The following SPOCK1 variants were observed in gnomAD, a reference collection of about 807,000 sequenced individuals.
The protein encoded by SPOCK1 is SPARC (osteonectin), cwcv and kazal like domains proteoglycan 1.
In SPOCK1, 23 loss-of-function variants were observed where a neutral mutation model predicts 55.3. The observed-to-expected ratio is 0.42, with a 90% CI of 0.30 to 0.59. The LOEUF (loss-of-function observed/expected upper bound fraction) is 0.59, where lower values mean the gene tolerates loss of function less well. SPOCK1 is among the 20% of genes least tolerant of loss of function. The pLI, the probability that SPOCK1 is intolerant of heterozygous loss-of-function variation, is 0.22. For missense variants in SPOCK1, 499 were observed against 552.5 expected (o/e 0.90, Z 0.97); for synonymous variants, 226 against 221.0 (o/e 1.02, Z -0.20).
chr5:136,977,983 A>G lies in SPOCK1; in HGVS notation c.*671T>C, dbSNP rs1580689544. The G allele has an allele frequency of 1.3e-5, 5 of 398,922 alleles. No individual in the cohort carries two copies. The East Asian group carries it at 1.8e-4, about 14-fold the overall frequency. The allele number at this position is 398,922 out of a possible 1,614,324, so 24.7% of individuals were successfully genotyped here. ...GTGTGTGTGCAAGGCACACACATACAGTCTTTCTGTACATGCATGCATATT... is the reference window on the plus strand; with the variant it reads ...GTGTGTGTGCAAGGCACACACATACGGTCTTTCTGTACATGCATGCATATT... On this transcript the variant is annotated 3_prime_UTR_variant, in exon 11 of 11. Coordinates refer to ENST00000394945, the MANE Select transcript of SPOCK1 (RefSeq NM_004598.4).
intron 2 of SPOCK1, among the ~76,000 whole-genome samples, chr5:137,336,518 A>G (rs966375674): frequency 6.6e-6 from 1 of 152,224 alleles, no homozygotes; most frequent in Non-Finnish European, 1.5e-5. Context: ...GTACCTGGTA[A>G]AGCAGGTAAA....
intron 5 of SPOCK1, among the ~76,000 whole-genome samples, chr5:137,075,810 T>G (rs1333393501): frequency 1.3e-5 from 2 of 152,152 alleles, no homozygotes; most frequent in Non-Finnish European, 2.9e-5. Context: ...GGCCCCTGCT[T>G]TAAGCTCCCA....
chr5:137,043,482 A>G (rs78955141), intron 6 of SPOCK1, among the ~76,000 whole-genome samples: 1 of 152,146 alleles, frequency 6.6e-6, no homozygotes, highest in Non-Finnish European at 1.5e-5. Flanking sequence ...TGGTGTAGAA[A>G]TGGGGTAAAA....
intron 6 of SPOCK1, among the ~76,000 whole-genome samples, chr5:137,066,831 A>G (rs1397963269): frequency 1.3e-5 from 2 of 152,188 alleles, no homozygotes; most frequent in African/African-American, 4.8e-5. Context: ...GATCACATTT[A>G]GATTTGAAAT....
intron 2 of SPOCK1, among the ~76,000 whole-genome samples, chr5:137,445,984 C>T (rs905713881): frequency 3.3e-5 from 5 of 152,152 alleles, no homozygotes; most frequent in African/African-American, 9.7e-5. Flanking sequence ...CCAGCTTTGC[C>T]ATTAAACACT....
chr5:137,302,488 A>G (rs1757617427), intron 2 of SPOCK1, among the ~76,000 whole-genome samples: 1 of 151,446 alleles, frequency 6.6e-6, no homozygotes, highest in Non-Finnish European at 1.5e-5. Flanking sequence ...GAGGCAGGAG[A>G]ATGGCATGAA....
chr5:137,272,127 T>C (rs550326871), intron 2 of SPOCK1, among the ~76,000 whole-genome samples: 2 of 152,108 alleles, frequency 1.3e-5, no homozygotes, highest in East Asian at 3.9e-4. Context: ...AGAACTGAGT[T>C]TGTAGATCCC....
chr5:137,029,682 T>C (rs999661547), intron 6 of SPOCK1, among the ~76,000 whole-genome samples: 1 of 152,204 alleles, frequency 6.6e-6, no homozygotes, highest in South Asian at 2.1e-4. Flanking sequence ...GGAAACCAAA[T>C]TTATTAGCTT....
At chr5:137,167,572 C>T (rs1754673285) in intron 3 of SPOCK1, among the ~76,000 whole-genome samples, 1 of 151,404 alleles carries the variant, frequency 6.6e-6, no homozygotes, top group African/African-American at 2.4e-5. Flanking sequence ...TGTTAGGTCA[C>T]AAAACAAAAC....
intron 2 of SPOCK1, among the ~76,000 whole-genome samples, chr5:137,290,692 T>A (rs1034330548): frequency 6.6e-6 from 1 of 152,200 alleles, no homozygotes; most frequent in Admixed American, 6.5e-5. Context: ...CACTGCTTAG[T>A]TGTAAATAAA....
chr5:137,183,083 C>T (rs1755000751), intron 3 of SPOCK1, among the ~76,000 whole-genome samples: 1 of 152,174 alleles, frequency 6.6e-6, no homozygotes, highest in African/African-American at 2.4e-5. Flanking sequence ...GAACAGGTAA[C>T]TCCACATGCA....
chr5:137,135,547 A>G (rs1753967711), intron 4 of SPOCK1, among the ~76,000 whole-genome samples: 1 of 152,184 alleles, frequency 6.6e-6, no homozygotes, highest in African/African-American at 2.4e-5. Context: ...CCATTTACCA[A>G]TGGGATCCTG....
At chr5:137,109,373 T>C (rs1753424705) in intron 5 of SPOCK1, among the ~76,000 whole-genome samples, 1 of 152,180 alleles carries the variant, frequency 6.6e-6, no homozygotes, top group African/African-American at 2.4e-5. Context: ...CTGCACCCCA[T>C]TGACTCAAAT....
intron 2 of SPOCK1, among the ~76,000 whole-genome samples, chr5:137,343,494 A>G (rs1466213097): frequency 6.6e-6 from 1 of 152,194 alleles, no homozygotes; most frequent in East Asian, 1.9e-4. Context: ...AGGGCTGTAC[A>G]GAGGACCTGT....
chr5:137,195,895 C>T (rs1203558447), intron 3 of SPOCK1, among the ~76,000 whole-genome samples: 4 of 152,178 alleles, frequency 2.6e-5, no homozygotes, highest in East Asian at 1.9e-4. Context: ...ATTGTGTGCA[C>T]CCCACAAGTC....
chr5:137,359,384 G>T (rs1750891376), intron 2 of SPOCK1, among the ~76,000 whole-genome samples: 1 of 152,168 alleles, frequency 6.6e-6, no homozygotes, highest in Admixed American at 6.5e-5. Context: ...AAATATGTTT[G>T]ATCCAGAGCA....
chr5:137,203,217 A>C (rs1480601969), intron 3 of SPOCK1, among the ~76,000 whole-genome samples: 1 of 151,846 alleles, frequency 6.6e-6, no homozygotes, highest in Non-Finnish European at 1.5e-5. Flanking sequence ...TGAGTAATAG[A>C]TTTCAAATAC....
At chr5:137,430,620 T>C (rs538861400) in intron 2 of SPOCK1, among the ~76,000 whole-genome samples, 1 of 152,356 alleles carries the variant, frequency 6.6e-6, no homozygotes, top group Admixed American at 6.5e-5. Context: ...CCTCTCCTGG[T>C]ATTTTCATTA....
Position 137,298,182 on chromosome 5 carries a change from C to T in SPOCK1, c.187-31127G>A, listed in dbSNP as rs578049899. Among the ~76,000 whole-genome samples the T allele has an allele frequency of 2.6e-5, 4 of 152,272 alleles. No individual in the cohort carries two copies. The South Asian group carries it at 8.3e-4, about 32-fold the overall frequency. On this transcript the variant is annotated intron_variant, in intron 2 of 10. Transcript: ENST00000394945. Reference sequence around the variant, plus strand: ...GTGTGCAGTGAGGACCCAGTGAATGCCAGGTGCCTTTTCCTCTCACTGTGA... The same window carrying T: ...GTGTGCAGTGAGGACCCAGTGAATGTCAGGTGCCTTTTCCTCTCACTGTGA...
Sources: gnomAD v4.1 joint callset for allele counts (sites outside exome capture counted in the v4.1 genomes callset) on GRCh38, gnomAD v4.1.1 for gene constraint, MANE v1.5 for transcripts, NCBI Gene and HGNC (gene_info 2026-07-23, HGNC 2026-07-21) for gene names.